The following SPAG1 variants were observed in gnomAD, a reference collection of about 807,000 sequenced individuals.
SPAG1 encodes the protein sperm-associated antigen 1.
SPAG1 carries 69 observed loss-of-function variants against 100.5 expected under a neutral mutation model. The observed-to-expected ratio is 0.69, with a 90% CI of 0.57 to 0.84. The LOEUF is 0.84. SPAG1 is among the 40% of genes least tolerant of loss of function. SPAG1 has a pLI of 0.00. For missense variants in SPAG1, 955 were observed against 1,133.1 expected, an observed-to-expected ratio of 0.84 and a Z score of 2.26; for synonymous variants, 336 against 411.6, an observed-to-expected ratio of 0.82 and a Z score of 2.22.
At chr8:100,174,410 T>G (rs920713198) in intron 3 of SPAG1, among the ~76,000 whole-genome samples, 14 of 152,060 alleles carry the variant, frequency 9.2e-5, no homozygotes, top group Admixed American at 7.2e-4. Flanking sequence ...GGAGGAAGCA[T>G]AGGAGGTGTT....
intron 1 of SPAG1, among the ~76,000 whole-genome samples, chr8:100,161,704 T>A (rs906002325): frequency 5.9e-5 from 9 of 152,176 alleles, no homozygotes; most frequent in African/African-American, 2.2e-4. Flanking sequence ...GGAGACAAGA[T>A]AAGGGTAATT....
intron 3 of SPAG1, among the ~76,000 whole-genome samples, chr8:100,166,700 G>C (rs1045572873): frequency 4.6e-5 from 7 of 152,148 alleles, no homozygotes; most frequent in Admixed American, 1.3e-4. Flanking sequence ...CTTCAGGCCA[G>C]GAGTTTGAGA....
intron 10 of SPAG1, among the ~76,000 whole-genome samples, chr8:100,206,167 C>T (rs1817509342): frequency 6.6e-6 from 1 of 151,848 alleles, no homozygotes; most frequent in Non-Finnish European, 1.5e-5. Flanking sequence ...GTAAGCTTAA[C>T]CAAGTGGTGA....
rs758892319 is a variant in SPAG1 at position 100,240,941 on chromosome 8, GT to G, written c.2703del (p.Phe901LeufsTer14). ...KGQKELIEQL[F>X]EDLSDTPNNH... Reference sequence around the variant, plus strand: ...GCCAAAAGGAGCTAATTGAACAGCTGTTTGAGGACCTTTCGGACACACCAAA... The same window carrying G: ...GCCAAAAGGAGCTAATTGAACAGCTGTTGAGGACCTTTCGGACACACCAAA... On this transcript the variant is annotated frameshift_variant, in exon 19 of 19. Coordinates refer to ENST00000388798, the MANE Select transcript of SPAG1 (RefSeq NM_003114.5). LOFTEE classifies it high-confidence loss of function. 3 of 1,611,692 alleles carry G rather than the reference GT, an allele frequency of 1.9e-6. No individual in the cohort carries two copies. The highest frequency in any genetic ancestry group is 2.5e-6 in the Non-Finnish European group (3 of 1,179,478).
intron 10 of SPAG1, among the ~76,000 whole-genome samples, chr8:100,212,206 T>G (rs1014803264): frequency 2.6e-5 from 4 of 152,236 alleles, no homozygotes; most frequent in Non-Finnish European, 4.4e-5. Context: ...ATAATTGTGC[T>G]TTTCTATTCC....
At chr8:100,172,368 C>T (rs906904570) in intron 3 of SPAG1, among the ~76,000 whole-genome samples, 1 of 152,086 alleles carries the variant, frequency 6.6e-6, no homozygotes, top group Non-Finnish European at 1.5e-5. Context: ...CCTGTAATCC[C>T]AGCACTTTGG....
In SPAG1 at chr8:100,173,184, A is replaced by T. The variant is rs140484879; in HGVS notation, c.301-4632A>T. Reference sequence around the variant, plus strand: ...CTCCCAAGTAGCTGGGATTACAGGCATTCACCACCACACTCAGCTAATTTT... The same window carrying T: ...CTCCCAAGTAGCTGGGATTACAGGCTTTCACCACCACACTCAGCTAATTTT... On this transcript the variant is annotated intron_variant, in intron 3 of 18. Transcript: ENST00000388798. 5.2e-3 allele frequency among the ~76,000 whole-genome samples: 795 copies of T among 151,796 alleles called. 6 individuals carry two copies. Among genetic ancestry groups the T allele is most frequent in the African/African-American group, 0.018 (761 of 41,400 alleles).
At chr8:100,229,440 CAAAACAAAAA>C (rs1315629508) in intron 14 of SPAG1, among the ~76,000 whole-genome samples, 1 of 150,920 alleles carries the variant, frequency 6.6e-6, no homozygotes, top group African/African-American at 2.5e-5. Context: ...CAAAACAAAA[CAAAACAAAAA>C]AAAACAAAAG....
At chr8:100,225,063 C>A in intron 13 of SPAG1, 110 bp from the exon 14 acceptor site, 1 of 708,678 alleles carries the variant, frequency 1.4e-6, no homozygotes, top group Non-Finnish European at 2.4e-6. Context: ...ATGTTTTCTA[C>A]AAGGAAGTAC....
At chr8:100,237,922 T>G (rs528590698) in intron 16 of SPAG1, among the ~76,000 whole-genome samples, 1 of 152,328 alleles carries the variant, frequency 6.6e-6, no homozygotes, top group African/African-American at 2.4e-5. Flanking sequence ...TTTCCAGTCC[T>G]TTCCCTTGAG....
intron 14 of SPAG1, among the ~76,000 whole-genome samples, chr8:100,226,339 G>T (rs1290307036): frequency 5.9e-5 from 9 of 152,104 alleles, no homozygotes; most frequent in Non-Finnish European, 1.0e-4. Context: ...CAAGGAGGTT[G>T]TCAGAAATAA....
chr8:100,240,840 T>A (rs1819232729), intron 18 of SPAG1, 51 bp from the exon 19 acceptor site: 1 of 1,571,988 alleles, frequency 6.4e-7, no homozygotes, highest in African/African-American at 1.4e-5. Flanking sequence ...AAAATGTTAC[T>A]TATGCTAACA....
Position 100,165,846 on chromosome 8 carries a change from C to G in SPAG1, c.173C>G (p.Thr58Arg), listed in dbSNP as rs748814039. Residue 58 changes from threonine to arginine, a missense_variant, in exon 3 of 19, where the codon ACA (threonine) becomes AGA (arginine). Physicochemically the swap from Thr to Arg is moderately conservative, Grantham distance 71. Transcript: ENST00000388798. Reference protein sequence around the residue: ...SGEEGYYPELTEFCEKHLQAL... With the variant: ...SGEEGYYPELREFCEKHLQAL... ...GAGGAAGGATATTATCCTGAACTTA[C>G]AGAATTTTGTGAAAAGCATCTTCAA... 6.2e-7 allele frequency: 1 copy of G among 1,613,806 alleles called. No homozygotes were observed. Among genetic ancestry groups the G allele is most frequent in the Admixed American group, 1.7e-5 (1 of 59,962 alleles).
At chr8:100,171,899 CT>C (rs1389658424) in intron 3 of SPAG1, among the ~76,000 whole-genome samples, 23 of 148,032 alleles carry the variant, frequency 1.6e-4, no homozygotes, top group Middle Eastern at 3.5e-3. Context: ...ATTGATTTTT[CT>C]TTTTTTTTTT....
intron 10 of SPAG1, among the ~76,000 whole-genome samples, chr8:100,209,709 G>A (rs1415509436): frequency 6.6e-6 from 1 of 151,732 alleles, no homozygotes; most frequent in East Asian, 1.9e-4. Context: ...TTATCTCCTT[G>A]GTTAAATTTA....
intron 10 of SPAG1, among the ~76,000 whole-genome samples, chr8:100,200,414 C>T (rs1346410815): frequency 1.3e-5 from 2 of 152,202 alleles, no homozygotes; most frequent in Non-Finnish European, 2.9e-5. Context: ...CATACGTGTG[C>T]ATGTGTCTTT....
intron 2 of SPAG1, among the ~76,000 whole-genome samples, chr8:100,163,849 GAA>G (rs1266193959): frequency 1.3e-5 from 2 of 152,150 alleles, no homozygotes; most frequent in Non-Finnish European, 2.9e-5. Context: ...AAATAAAAAT[GAA>G]AAGTTTATTG....
intron 12 of SPAG1, among the ~76,000 whole-genome samples, chr8:100,215,281 A>G (rs1176449314): frequency 6.6e-6 from 1 of 151,782 alleles, no homozygotes; most frequent in Non-Finnish European, 1.5e-5. Context: ...ACCTGCCTGG[A>G]TGGTAAATAG....
chr8:100,233,877 G>C (rs1344530189), intron 16 of SPAG1, among the ~76,000 whole-genome samples: 1 of 152,158 alleles, frequency 6.6e-6, no homozygotes, highest in African/African-American at 2.4e-5. Context: ...TGGTTCCTCC[G>C]GCAAGGATTG....
Sources: gnomAD v4.1 joint callset for allele counts (sites outside exome capture counted in the v4.1 genomes callset) on GRCh38, gnomAD v4.1.1 for gene constraint, MANE v1.5 for transcripts, NCBI Gene and HGNC (gene_info 2026-07-23, HGNC 2026-07-21) for gene names.